Variants in ERC1 observed in about 807,000 individuals in gnomAD.
ERC1 encodes RAB6 interacting protein 2.
ERC1 carries 56 observed loss-of-function variants against 132.0 expected under a neutral mutation model. The ratio of observed to expected loss-of-function variants is 0.42; its 90% confidence interval spans 0.34 to 0.53. ERC1 has a LOEUF of 0.53. Among genes scored for constraint, ERC1 ranks in the 20% least tolerant of loss-of-function variants. The pLI, the probability that ERC1 is intolerant of heterozygous loss-of-function variation, is 0.03. For missense variants in ERC1, 1,202 were observed against 1,349.9 expected (o/e 0.89, Z 1.72); for synonymous variants, 478 against 476.1 (o/e 1.00, Z -0.05).
chr12:1,485,493 GCA>G (rs2094200471), intron 18 of ERC1, among the ~76,000 whole-genome samples: 2 of 152,124 alleles, frequency 1.3e-5, no homozygotes, highest in South Asian at 4.1e-4. Flanking sequence ...GTGAGCCACT[GCA>G]TCTGGCCATA....
intron 3 of ERC1, among the ~76,000 whole-genome samples, chr12:1,100,008 C>A: frequency 6.6e-6 from 1 of 151,806 alleles, no homozygotes; most frequent in South Asian, 2.1e-4. Flanking sequence ...CCACCAGGCC[C>A]AGCTAATTTT....
chr12:1,398,879 T>A (rs971230132), intron 16 of ERC1, among the ~76,000 whole-genome samples: 1 of 151,396 alleles, frequency 6.6e-6, no homozygotes, highest in African/African-American at 2.4e-5. Context: ...ATGTAATGAG[T>A]TCCCTAGTAA....
At chr12:1,059,506 T>A (rs191702095) in intron 2 of ERC1, among the ~76,000 whole-genome samples, 2 of 152,336 alleles carry the variant, frequency 1.3e-5, no homozygotes. Context: ...TGAGGTATGT[T>A]CCTTTATTGC....
At chr12:1,431,942 G>C (rs1011166546) in intron 17 of ERC1, among the ~76,000 whole-genome samples, 1 of 152,132 alleles carries the variant, frequency 6.6e-6, no homozygotes, top group African/African-American at 2.4e-5. Context: ...TGGTGCAATC[G>C]CAGTTCCCTG....
chr12:1,190,807 A>G (rs1480893590), intron 12 of ERC1, among the ~76,000 whole-genome samples: 1 of 152,164 alleles, frequency 6.6e-6, no homozygotes, highest in Admixed American at 6.5e-5. Flanking sequence ...AATTACCTGT[A>G]TTCTGAACAG....
In ERC1 at chr12:1,346,965, A is replaced by G. The variant is rs564315330; in HGVS notation, c.2781-24868A>G. ...CTCCGTCTCAAAAAAAAAAAAAGAGAGAGATGATGGTTTTCAGGTTTTTTG... is the reference window on the plus strand; with the variant it reads ...CTCCGTCTCAAAAAAAAAAAAAGAGGGAGATGATGGTTTTCAGGTTTTTTG... On this transcript the variant is annotated intron_variant, in intron 15 of 18. Coordinates refer to ENST00000360905, the MANE Select transcript of ERC1 (RefSeq NM_178040.4). Among the ~76,000 whole-genome samples the G allele has an allele frequency of 1.7e-3, 254 of 148,782 alleles. 1 individual carries two copies. The highest frequency in any genetic ancestry group is 5.7e-3 in the African/African-American group (231 of 40,286).
intron 12 of ERC1, among the ~76,000 whole-genome samples, chr12:1,230,786 A>C (rs2074970359): frequency 6.6e-6 from 1 of 152,214 alleles, no homozygotes; most frequent in African/African-American, 2.4e-5. Flanking sequence ...TTACAATTGT[A>C]ATATTCTCTT....
chr12:1,189,457 G>A (rs1955485901), intron 11 of ERC1, among the ~76,000 whole-genome samples: 1 of 152,198 alleles, frequency 6.6e-6, no homozygotes, highest in African/African-American at 2.4e-5. Context: ...TCTAGTGGGA[G>A]TTAGGTCTCT....
intron 12 of ERC1, among the ~76,000 whole-genome samples, chr12:1,228,293 T>G (rs1240103838): frequency 6.6e-6 from 1 of 152,246 alleles, no homozygotes. Context: ...TCCATTTGTA[T>G]GTATCTTTTT....
At chr12:1,196,612 G>A (rs1409809983) in intron 12 of ERC1, among the ~76,000 whole-genome samples, 2 of 150,854 alleles carry the variant, frequency 1.3e-5, no homozygotes, top group South Asian at 2.1e-4. Context: ...TCCCACCTCC[G>A]TGTCTTGAGT....
chr12:1,100,122 A>T (rs1004889235), intron 3 of ERC1, among the ~76,000 whole-genome samples: 6 of 152,082 alleles, frequency 3.9e-5, no homozygotes, highest in African/African-American at 1.4e-4. Flanking sequence ...TGCTGGGATT[A>T]CAGGCATGAA....
At chr12:1,009,582 A>G (rs1009887411) in intron 1 of ERC1, among the ~76,000 whole-genome samples, 3 of 150,394 alleles carry the variant, frequency 2.0e-5, no homozygotes, top group African/African-American at 7.4e-5. Flanking sequence ...TAAATGAAAT[A>G]TTGTGACAAG....
At chr12:1,391,079 T>C (rs2089920295) in intron 16 of ERC1, 1 of 152,278 alleles carries the variant, frequency 6.6e-6, no homozygotes, top group South Asian at 2.1e-4. Context: ...CATAATTGTC[T>C]TTTATTCATT....
chr12:1,352,941 T>G (rs746691367), intron 15 of ERC1, among the ~76,000 whole-genome samples: 1 of 152,148 alleles, frequency 6.6e-6, no homozygotes, highest in Non-Finnish European at 1.5e-5. Context: ...TGAGTGTGAT[T>G]TAGGCATGTA....
At chr12:1,369,542 C>A (rs1471903701) in intron 15 of ERC1, among the ~76,000 whole-genome samples, 1 of 152,058 alleles carries the variant, frequency 6.6e-6, no homozygotes, top group African/African-American at 2.4e-5. Flanking sequence ...AATGTAGCAC[C>A]CTTATTGGGA....
chr12:1,424,134 T>G (rs965346378), intron 17 of ERC1, among the ~76,000 whole-genome samples: 2 of 152,180 alleles, frequency 1.3e-5, no homozygotes, highest in African/African-American at 4.8e-5. Context: ...TTCAGGAAGT[T>G]AGTTACCTCC....
rs560709183 is a variant in ERC1 at position 1,063,396 on chromosome 12, G to T, written c.670-19768G>T. On this transcript the variant is annotated intron_variant, in intron 2 of 18. Transcript: ENST00000360905. ...CTGCCTCAGCCTCCTGGGTATCTGGGATTACAGGCATGTGCCACCACGCCT... is the reference window on the plus strand; with the variant it reads ...CTGCCTCAGCCTCCTGGGTATCTGGTATTACAGGCATGTGCCACCACGCCT... Among the ~76,000 whole-genome samples, 3 of 152,282 alleles carry T rather than the reference G, an allele frequency of 2.0e-5. No homozygotes were observed. The East Asian group carries it at 5.8e-4, about 29-fold the overall frequency.
chr12:1,176,056 A>G (rs558712070), intron 8 of ERC1, among the ~76,000 whole-genome samples: 3 of 152,300 alleles, frequency 2.0e-5, no homozygotes, highest in African/African-American at 7.2e-5. Context: ...GTTTTTAATG[A>G]CATCAGGAAT....
intron 15 of ERC1, among the ~76,000 whole-genome samples, chr12:1,317,224 A>G (rs954325566): frequency 2.6e-5 from 4 of 152,000 alleles, no homozygotes; most frequent in African/African-American, 4.8e-5. Flanking sequence ...CTATGCAGCC[A>G]TAAAAAAGGA....
Sources: allele counts gnomAD v4.1 joint callset (sites outside exome capture counted in the v4.1 genomes callset), GRCh38; gene constraint gnomAD v4.1.1; transcripts MANE v1.5; gene names NCBI Gene and HGNC (gene_info 2026-07-23, HGNC 2026-07-21).